GRAMD2B: variants seen among roughly 807,000 people sequenced by gnomAD.
GRAMD2B encodes the protein GRAM domain-containing protein 2B.
Under a neutral mutation model 59.2 loss-of-function variants are expected in GRAMD2B, and 41 were observed. That is an observed-to-expected ratio of 0.69 (90% CI 0.54 to 0.90). GRAMD2B has a LOEUF of 0.90. GRAMD2B is among the 40% of genes least tolerant of loss of function. GRAMD2B has a pLI of 0.00. For synonymous variants in GRAMD2B, 161 were observed against 182.7 expected (o/e 0.88, Z 0.96); for missense variants, 424 against 500.5 (o/e 0.85, Z 1.46).
upstream of GRAMD2B, among the ~76,000 whole-genome samples, chr5:126,420,054 CAAAA>C (rs386404926): frequency 1.9e-5 from 2 of 103,704 alleles, no homozygotes; most frequent in East Asian, 5.4e-4. Context: ...GACTCTTTCT[CAAAA>C]AAAAAAAAAA....
At chr5:126,442,949 C>T (rs570741379) in intron 1 of GRAMD2B, among the ~76,000 whole-genome samples, 34 of 152,088 alleles carry the variant, frequency 2.2e-4, no homozygotes, top group African/African-American at 7.7e-4. Context: ...ATCCAAAATC[C>T]GAATTACTAA....
At chr5:126,418,300 A>T (rs962956850) in intron 1 of GRAMD2B, among the ~76,000 whole-genome samples, 1 of 152,218 alleles carries the variant, frequency 6.6e-6, no homozygotes, top group Non-Finnish European at 1.5e-5. Context: ...TCTGAGATAG[A>T]TATTAATGTA....
intron 1 of GRAMD2B, among the ~76,000 whole-genome samples, chr5:126,448,035 T>A (rs1226953795): frequency 1.2e-5 from 1 of 80,570 alleles, no homozygotes; most frequent in African/African-American, 6.1e-5. Context: ...AATTTTTGTA[T>A]TTTTTAGTAG....
chr5:126,417,629 G>C (rs1416412497), intron 1 of GRAMD2B, among the ~76,000 whole-genome samples: 1 of 152,192 alleles, frequency 6.6e-6, no homozygotes, highest in African/African-American at 2.4e-5. Context: ...ATAAATTATT[G>C]TTTTAAGCCA....
chr5:126,413,302 G>A, intron 1 of GRAMD2B, among the ~76,000 whole-genome samples: 1 of 151,992 alleles, frequency 6.6e-6, no homozygotes, highest in Non-Finnish European at 1.5e-5. Flanking sequence ...GGTATGTTGT[G>A]TCTCTGTTTT....
chr5:126,449,320 A>G (rs1764903511), intron 1 of GRAMD2B, among the ~76,000 whole-genome samples: 2 of 152,208 alleles, frequency 1.3e-5, no homozygotes, highest in South Asian at 4.1e-4. Context: ...CAATTATTCC[A>G]TATCTTGATA....
chr5:126,440,675 T>C (rs1342690391), intron 1 of GRAMD2B, among the ~76,000 whole-genome samples: 1 of 152,056 alleles, frequency 6.6e-6, no homozygotes, highest in Non-Finnish European at 1.5e-5. Context: ...AATATGGAAG[T>C]AGGAAGTCTT....
At chr5:126,384,225 T>G (rs1755910950) in intron 1 of GRAMD2B, among the ~76,000 whole-genome samples, 1 of 152,122 alleles carries the variant, frequency 6.6e-6, no homozygotes, top group Admixed American at 6.5e-5. Flanking sequence ...GGAGCTGAAA[T>G]CTCTGTTGGT....
intron 1 of GRAMD2B, among the ~76,000 whole-genome samples, chr5:126,439,460 G>A (rs1307760917): frequency 2.0e-5 from 3 of 150,950 alleles, no homozygotes; most frequent in Admixed American, 6.6e-5. Flanking sequence ...CCAAGTAGCT[G>A]GGATTACAGG....
At chr5:126,376,745 G>A (rs1411672471) in intron 1 of GRAMD2B, among the ~76,000 whole-genome samples, 1 of 152,156 alleles carries the variant, frequency 6.6e-6, no homozygotes, top group African/African-American at 2.4e-5. Context: ...GCATTCAAAG[G>A]AAGCAGCACT....
At chr5:126,399,159 G>C (rs1309096760) in intron 1 of GRAMD2B, among the ~76,000 whole-genome samples, 1 of 152,128 alleles carries the variant, frequency 6.6e-6, no homozygotes, top group Admixed American at 6.6e-5. Context: ...TCAATTTTCT[G>C]TTTGGGTGCT....
chr5:126,480,761 A>G (rs375846791), intron 8 of GRAMD2B, 54 bp downstream of exon 8: 2 of 1,467,908 alleles, frequency 1.4e-6, no homozygotes, highest in South Asian at 1.1e-5. Context: ...ATGTCCCACA[A>G]TTACACTTGT....
At chr5:126,481,488 C>CT (rs1040741231) in intron 8 of GRAMD2B, among the ~76,000 whole-genome samples, 11 of 151,992 alleles carry the variant, frequency 7.2e-5, no homozygotes, top group East Asian at 1.9e-4. Flanking sequence ...TCCCACAAAT[C>CT]TTTTTTTTGA....
At chr5:126,411,204 T>A (rs1758754867) in intron 1 of GRAMD2B, among the ~76,000 whole-genome samples, 1 of 152,094 alleles carries the variant, frequency 6.6e-6, no homozygotes, top group African/African-American at 2.4e-5. Context: ...TGGTGTTTCC[T>A]AGGTTTTCTT....
At chr5:126,370,230 CTTCAAAAGTG>C (rs1369605484), upstream of GRAMD2B, among the ~76,000 whole-genome samples, 1 of 152,206 alleles carries the variant, frequency 6.6e-6, no homozygotes, top group Non-Finnish European at 1.5e-5. Flanking sequence ...GAAAGACTCA[CTTCAAAAGTG>C]TTCTTAGGGT....
At chr5:126,459,341 T>G (rs2126738830) in intron 1 of GRAMD2B, among the ~76,000 whole-genome samples, 1 of 152,342 alleles carries the variant, frequency 6.6e-6, no homozygotes. Context: ...ACTCCTGGCC[T>G]CAGTCCATCC....
chr5:126,361,799 T>C (rs1163199556), intron 1 of GRAMD2B, among the ~76,000 whole-genome samples: 1 of 152,146 alleles, frequency 6.6e-6, no homozygotes, highest in Non-Finnish European at 1.5e-5. Flanking sequence ...CAAAATGATG[T>C]CTTTCCTGTC....
intron 6 of GRAMD2B, 166 bp from the exon 7 acceptor site, chr5:126,480,290 T>A: frequency 1.8e-6 from 1 of 570,592 alleles, no homozygotes; most frequent in Non-Finnish European, 3.1e-6. Flanking sequence ...ATTACAGGAA[T>A]GGAATAAAAA....
At chr5:126,379,579 AT>A (rs549978261) in intron 1 of GRAMD2B, among the ~76,000 whole-genome samples, 2 of 151,660 alleles carry the variant, frequency 1.3e-5, no homozygotes, top group South Asian at 2.1e-4. Flanking sequence ...TATTTTTTTG[AT>A]TTTTTTATTA....
Sources: allele counts gnomAD v4.1 joint callset (sites outside exome capture counted in the v4.1 genomes callset), GRCh38; gene constraint gnomAD v4.1.1; transcripts MANE v1.5; gene names NCBI Gene and HGNC (gene_info 2026-07-23, HGNC 2026-07-21).